The following FOXO3 variants were observed in gnomAD, a reference collection of about 807,000 sequenced individuals.
The protein encoded by FOXO3 is forkhead box protein O3.
In FOXO3, 4 loss-of-function variants were observed where a neutral mutation model predicts 41.9. The ratio of observed to expected loss-of-function variants is 0.10; its 90% CI spans 0.05 to 0.22. The LOEUF (loss-of-function observed/expected upper bound fraction) is 0.22. Ranked by LOEUF, FOXO3 falls within the 10% of genes least tolerant of loss-of-function variation. FOXO3 has a pLI of 1.00. For synonymous variants in FOXO3, 318 were observed against 389.3 expected, an observed-to-expected ratio of 0.82 and a Z score of 2.16; for missense variants, 534 against 906.8, an observed-to-expected ratio of 0.59 and a Z score of 5.28.
At chr6:108,678,336 T>G (rs1770699994) in intron 2 of FOXO3, among the ~76,000 whole-genome samples, 1 of 152,200 alleles carries the variant, frequency 6.6e-6, no homozygotes, top group South Asian at 2.1e-4. Context: ...AAGCACGAGT[T>G]CATGTTGTTT....
intron 1 of FOXO3, among the ~76,000 whole-genome samples, chr6:108,562,453 G>A (rs1306473131): frequency 6.6e-6 from 1 of 152,118 alleles, no homozygotes; most frequent in East Asian, 1.9e-4. Flanking sequence ...TTTCTTCTCG[G>A]AGATGTCGCT....
chr6:108,591,741 T>C (rs1776737806), intron 1 of FOXO3, among the ~76,000 whole-genome samples: 1 of 152,164 alleles, frequency 6.6e-6, no homozygotes, highest in Non-Finnish European at 1.5e-5. Flanking sequence ...AAAACAAAAC[T>C]TCGTGTTTCT....
intron 2 of FOXO3, among the ~76,000 whole-genome samples, chr6:108,668,823 T>A (rs1464360699): frequency 6.6e-6 from 1 of 152,152 alleles, no homozygotes; most frequent in Non-Finnish European, 1.5e-5. Flanking sequence ...AGGTGCATAG[T>A]ATGTATAATT....
chr6:108,615,236 C>G (rs569130730), intron 1 of FOXO3, among the ~76,000 whole-genome samples: 2 of 152,172 alleles, frequency 1.3e-5, no homozygotes, highest in Non-Finnish European at 2.9e-5. Context: ...CATCTGGTAT[C>G]ATTTTCTCTC....
chr6:108,636,802 G>C (rs1256014474), intron 1 of FOXO3, among the ~76,000 whole-genome samples: 1 of 152,178 alleles, frequency 6.6e-6, no homozygotes, highest in Non-Finnish European at 1.5e-5. Context: ...TTCTGGAGAA[G>C]GACTTCATGT....
intron 1 of FOXO3, among the ~76,000 whole-genome samples, chr6:108,579,473 A>G (rs1776351040): frequency 6.6e-6 from 1 of 152,248 alleles, no homozygotes; most frequent in Admixed American, 6.5e-5. Context: ...AACTGTGAAC[A>G]GCATTCCAAA....
intron 1 of FOXO3, among the ~76,000 whole-genome samples, chr6:108,606,003 T>C (rs1777189452): frequency 6.6e-6 from 1 of 152,240 alleles, no homozygotes; most frequent in Admixed American, 6.5e-5. Flanking sequence ...ATTGGTAAAA[T>C]GCTTTGGAGG....
At chr6:108,571,164 A>G (rs1190563886) in intron 1 of FOXO3, among the ~76,000 whole-genome samples, 2 of 152,216 alleles carry the variant, frequency 1.3e-5, no homozygotes, top group Non-Finnish European at 2.9e-5. Context: ...GGGTGAGAGA[A>G]ATGTATGTAT....
intron 1 of FOXO3, among the ~76,000 whole-genome samples, chr6:108,569,516 A>G (rs1379765387): frequency 2.6e-5 from 4 of 151,874 alleles, no homozygotes; most frequent in Non-Finnish European, 5.9e-5. Context: ...TCCACTTTTC[A>G]CTCCTGAGTT....
rs140850974 is a variant in FOXO3 at position 108,639,814 on chromosome 6, G to A, written c.622-23641G>A. ...CATTGTGGTTTCGGCTGGTCCTATAGCATAACACTGTAGATTTTACTTTCT... is the reference window on the plus strand; with the variant it reads ...CATTGTGGTTTCGGCTGGTCCTATAACATAACACTGTAGATTTTACTTTCT... On this transcript the variant is annotated intron_variant, in intron 1 of 2. Transcript: ENST00000406360. Among the ~76,000 whole-genome samples the A allele has an allele frequency of 2.9e-3, 434 of 152,244 alleles. 2 individuals are homozygous for A. The highest frequency in any genetic ancestry group is 4.7e-3 in the Non-Finnish European group (319 of 68,014).
At chr6:108,560,102 C>T (rs1582718601), upstream of FOXO3, 1 of 152,248 alleles carries the variant, frequency 6.6e-6, no homozygotes, top group South Asian at 2.1e-4. Flanking sequence ...TCCCTTTCCC[C>T]TCCCTGAGCC....
At chr6:108,598,531 A>G (rs1475351004) in intron 1 of FOXO3, among the ~76,000 whole-genome samples, 1 of 152,154 alleles carries the variant, frequency 6.6e-6, no homozygotes, top group Admixed American at 6.5e-5. Context: ...CCTGGTGGGA[A>G]ATGGAGGGAA....
chr6:108,618,023 G>A (rs1777564307), intron 1 of FOXO3: 5 of 660,684 alleles, frequency 7.6e-6, no homozygotes, highest in Middle Eastern at 8.1e-4. Flanking sequence ...CCCATCTGCT[G>A]TTGGAACACG....
chr6:108,561,688 G>A lies in FOXO3; in HGVS notation c.480G>A (p.Leu160=), dbSNP rs139172563. 263 of 1,610,834 alleles carry A rather than the reference G, an allele frequency of 1.6e-4. No homozygotes were observed. The highest frequency in any genetic ancestry group is 2.2e-4 in the Non-Finnish European group (255 of 1,179,042). Residue 160 remains leucine, a synonymous_variant, in exon 1 of 3, where the codon CTG becomes CTA. Coordinates refer to ENST00000406360, the MANE Select transcript of FOXO3 (RefSeq NM_001455.4). ...CSSRRNAWGN[L]SYADLITRAI... ...CGCGGCGGAACGCCTGGGGAAACCT[G>A]TCCTACGCGGACCTGATCACCCGCG...
chr6:108,562,587 T>C (rs1297659776), intron 1 of FOXO3, among the ~76,000 whole-genome samples: 1 of 152,058 alleles, frequency 6.6e-6, no homozygotes, highest in East Asian at 1.9e-4. Context: ...ATTCAGGCAC[T>C]GTTTGAGGGA....
chr6:108,684,534 C>T lies in FOXO3; in HGVS notation c.*4742C>T, dbSNP rs1432261221. ...TTTCAATGCGAACACTATCATATGG[C>T]ATTCTTACTGAGGATTTTGTCTAAC... is the stretch of plus-strand genomic sequence containing the variant. On this transcript the variant is annotated 3_prime_UTR_variant, in exon 3 of 3. Transcript: ENST00000406360. The T allele has an allele frequency of 6.6e-6, 1 of 152,558 alleles. No individual in the cohort carries two copies. Among genetic ancestry groups the T allele is most frequent in the African/African-American group, 2.4e-5 (1 of 41,428 alleles). The allele number at this position is 152,558 out of a possible 1,614,324, so 9.5% of individuals were successfully genotyped here. A position where few individuals can be genotyped will look rare whatever the true frequency, so the allele number is the denominator to read the frequency against.
At chr6:108,599,129 C>T (rs892249040) in intron 1 of FOXO3, among the ~76,000 whole-genome samples, 17 of 152,154 alleles carry the variant, frequency 1.1e-4, no homozygotes, top group Non-Finnish European at 2.1e-4. Context: ...TCCCTGTCCT[C>T]CACCTTCCTT....
chr6:108,616,867 T>A (rs1777528985), intron 1 of FOXO3, among the ~76,000 whole-genome samples: 1 of 152,210 alleles, frequency 6.6e-6, no homozygotes, highest in South Asian at 2.1e-4. Flanking sequence ...ACATTTCATA[T>A]CAATGGAATC....
intron 1 of FOXO3, among the ~76,000 whole-genome samples, chr6:108,590,288 A>G (rs899965519): frequency 2.6e-5 from 4 of 152,060 alleles, no homozygotes; most frequent in African/African-American, 9.7e-5. Flanking sequence ...CACACCCAGC[A>G]CCCACCTTTT....
Sources: allele counts gnomAD v4.1 joint callset (sites outside exome capture counted in the v4.1 genomes callset), GRCh38; gene constraint gnomAD v4.1.1; transcripts MANE v1.5; gene names NCBI Gene and HGNC (gene_info 2026-07-23, HGNC 2026-07-21).